Variants in BEND2 observed in about 807,000 individuals in gnomAD.
BEND2 encodes the protein BEN domain containing 2.
Under a neutral mutation model 43.8 loss-of-function variants are expected in BEND2, and 19 were observed. The observed-to-expected ratio is 0.43, with a 90% CI of 0.30 to 0.64. The LOEUF (loss-of-function observed/expected upper bound fraction) is 0.64. Among genes scored for constraint, BEND2 ranks in the 30% least tolerant of loss-of-function variants. BEND2 has a pLI of 0.11. For missense variants in BEND2, 544 were observed against 574.0 expected, an observed-to-expected ratio of 0.95 and a Z score of 0.53; for synonymous variants, 226 against 210.1, an observed-to-expected ratio of 1.08 and a Z score of -0.66.
At chrX:18,216,920 T>C (rs911328479) in intron 1 of BEND2, among the ~76,000 whole-genome samples, 187 bp from the exon 2 acceptor site, 3 of 112,746 alleles carry the variant, frequency 2.7e-5, no homozygotes, top group East Asian at 2.8e-4. Context: ...AGTTTTGAAG[T>C]ATGTATATAT....
Position 18,220,686 on chromosome X carries a change from G to A in BEND2, c.25+40C>T, listed in dbSNP as rs778743189. The A allele has an allele frequency of 1.5e-5, 18 of 1,208,991 alleles. No individual in the cohort carries two copies. In the South Asian group the frequency reaches 3.0e-4, roughly 20 times the overall value. ...CATCCAGACTCTTGACAGAACTTGA[G>A]GCCCAAGCTAGCGGGCCAGTTGAGG... On this transcript the variant is annotated intron_variant, in intron 1 of 13. Transcript: ENST00000380033.
At chrX:18,209,973 G>C (rs1422173999) in intron 4 of BEND2, among the ~76,000 whole-genome samples, 3 of 110,705 alleles carry the variant, frequency 2.7e-5, no homozygotes, top group Non-Finnish European at 5.7e-5. Flanking sequence ...ATATATATGA[G>C]AATTCCCTGA....
At chrX:18,194,610 G>A (rs1367655160) in intron 7 of BEND2, among the ~76,000 whole-genome samples, 1 of 111,678 alleles carries the variant, frequency 9.0e-6, no homozygotes, top group Non-Finnish European at 1.9e-5. Flanking sequence ...CCTTCAGCAG[G>A]TGAATGGTTG....
At position 18,172,193 on chromosome X, in the gene BEND2, T is replaced by C. The variant is rs1455987903; in HGVS notation, c.1982-989A>G. On this transcript the variant is annotated intron_variant, in intron 12 of 13. Transcript: ENST00000380033. ...TCAACTTAGAACATCCATCATTTAA[T>C]GGGTGGCAATAAAAACTGTTGAATC... Among the ~76,000 whole-genome samples, 7 of 111,020 alleles carry C rather than the reference T, an allele frequency of 6.3e-5. No individual in the cohort carries two copies. The South Asian group carries it at 2.3e-3, about 36-fold the overall frequency.
At chrX:18,193,003 C>CAAAAACA (rs1215363329) in intron 7 of BEND2, among the ~76,000 whole-genome samples, 2 of 110,449 alleles carry the variant, frequency 1.8e-5, no homozygotes, top group Non-Finnish European at 1.9e-5. Flanking sequence ...AAAACAAAAA[C>CAAAAACA]AAAAACAAAA....
intron 11 of BEND2, 55 bp from the exon 12 acceptor site, chrX:18,174,313 T>G: frequency 9.3e-7 from 1 of 1,080,836 alleles, no homozygotes; most frequent in Non-Finnish European, 1.3e-6. Context: ...AGAAAATATG[T>G]CTGTGCTCTA....
At chrX:18,183,097 G>A (rs1181694244) in intron 8 of BEND2, among the ~76,000 whole-genome samples, 1 of 98,059 alleles carries the variant, frequency 1.0e-5, no homozygotes, top group Non-Finnish European at 2.1e-5. Flanking sequence ...AGCAAGGACA[G>A]AGAAGACCTG....
At chrX:18,182,031 T>C (rs1260642799) in intron 8 of BEND2, among the ~76,000 whole-genome samples, 1 of 111,940 alleles carries the variant, frequency 8.9e-6, no homozygotes, top group Non-Finnish European at 1.9e-5. Context: ...TATATGCTCT[T>C]TATTAGAAAC....
chrX:18,190,764 T>TCACACACACA (rs778233998), intron 8 of BEND2, among the ~76,000 whole-genome samples: 7 of 88,853 alleles, frequency 7.9e-5, no homozygotes, highest in Non-Finnish European at 1.5e-4. Context: ...TCTCTCTCTC[T>TCACACACACA]CTCACACACA....
chrX:18,206,799 T>A (rs1208915874), intron 4 of BEND2, among the ~76,000 whole-genome samples: 5 of 111,061 alleles, frequency 4.5e-5, no homozygotes, highest in African/African-American at 9.8e-5. Flanking sequence ...AGGGCTGAGG[T>A]AGGCCGGGGA....
chrX:18,193,359 G>GAAAAGAA (rs1555908715), intron 7 of BEND2, among the ~76,000 whole-genome samples: 2 of 103,681 alleles, frequency 1.9e-5, no homozygotes, highest in South Asian at 8.3e-4. Context: ...GAAAAGAAAA[G>GAAAAGAA]AAAAAGAGTA....
At chrX:18,197,331 G>T (rs1569123202) in intron 6 of BEND2, among the ~76,000 whole-genome samples, 1 of 111,385 alleles carries the variant, frequency 9.0e-6, no homozygotes, top group Non-Finnish European at 1.9e-5. Flanking sequence ...CTACTTGGGA[G>T]GCTGAGGCAG....
chrX:18,217,724 TA>T (rs1233629770), intron 1 of BEND2, among the ~76,000 whole-genome samples: 20 of 111,158 alleles, frequency 1.8e-4, no homozygotes, highest in Non-Finnish European at 1.5e-4. Flanking sequence ...AAGTATTAAA[TA>T]AACAAAAGCT....
Position 18,220,741 on chromosome X carries a change from T to C in BEND2, c.10A>G (p.Arg4Gly), listed in dbSNP as rs1366856510. 1 of 1,209,507 alleles carries C rather than the reference T, an allele frequency of 8.3e-7. No homozygotes were observed. The highest frequency in any genetic ancestry group is 1.8e-5 in the South Asian group (1 of 56,672). Residue 4 changes from arginine (R) to glycine (G), a missense_variant, in exon 1 of 14, where the codon AGG (arginine) becomes GGG (glycine). Arg to Gly is a moderately radical substitution (Grantham distance 125, BLOSUM62 -2). Coordinates refer to ENST00000380033, the MANE Select transcript of BEND2 (RefSeq NM_153346.5). MSERTQEQDFVIIT... is the reference protein window; with the variant it reads MSEGTQEQDFVIIT... ...GTCACTTTACCCTGTTCCTGGGTCC[T>C]CTCTGACATCGTGAGATGGCGGGGT...
Position 18,201,427 on chromosome X carries a change from A to AAAAAAAAAAAC in BEND2, c.1033+387_1033+388insGTTTTTTTTTT, listed in dbSNP as rs1925156313. On this transcript the variant is annotated intron_variant, in intron 6 of 13. Coordinates refer to ENST00000380033, the MANE Select transcript of BEND2 (RefSeq NM_153346.5). ...AAAAAAAAAAAAAAAACAAAAAAAAAAAAACTGGTGGATCAAGGTTAAATA... is the reference window on the plus strand; with the variant it reads ...AAAAAAAAAAAAAAAACAAAAAAAAAAAAAAAAAAACAAAACTGGTGGATCAAGGTTAAATA... Among the ~76,000 whole-genome samples the AAAAAAAAAAAC allele has an allele frequency of 6.7e-4, 58 of 86,422 alleles. 4 individuals carry two copies. Among genetic ancestry groups the AAAAAAAAAAAC allele is most frequent in the East Asian group, 1.9e-3 (4 of 2,132 alleles). 75.0% of individuals were successfully genotyped at this position (86,422 alleles called of 115,157 possible).
chrX:18,167,034 A>G (rs1207301486), intron 13 of BEND2, among the ~76,000 whole-genome samples: 1 of 111,237 alleles, frequency 9.0e-6, no homozygotes, highest in Non-Finnish European at 1.9e-5. Flanking sequence ...TAATTCCAGC[A>G]CTTTGGGAGG....
At chrX:18,179,236 A>G (rs1415660040) in intron 9 of BEND2, among the ~76,000 whole-genome samples, 1 of 85,923 alleles carries the variant, frequency 1.2e-5, no homozygotes, top group East Asian at 3.5e-4. Context: ...ATGGCTCACT[A>G]TAGCCTCAAA....
At chrX:18,177,825 T>C in intron 9 of BEND2, 56 bp from the exon 10 acceptor site, 2 of 978,811 alleles carry the variant, frequency 2.0e-6, no homozygotes, top group South Asian at 2.0e-5. Context: ...AAGGGTACCC[T>C]CAAAGTACAC....
chrX:18,214,571 C>T (rs1925613334), intron 2 of BEND2, among the ~76,000 whole-genome samples: 1 of 110,298 alleles, frequency 9.1e-6, no homozygotes. Flanking sequence ...TGCCTGTAAT[C>T]CCAGCACTTT....
Sources: allele counts gnomAD v4.1 joint callset (sites outside exome capture counted in the v4.1 genomes callset), GRCh38; gene constraint gnomAD v4.1.1; transcripts MANE v1.5; gene names NCBI Gene and HGNC (gene_info 2026-07-23, HGNC 2026-07-21).